Variants in NPHS1 observed in about 807,000 individuals in gnomAD.
NPHS1 encodes nephrin.
Under a neutral mutation model 139.7 loss-of-function variants are expected in NPHS1, and 107 were observed. That is an observed-to-expected ratio of 0.77 (90% CI 0.66 to 0.90). The LOEUF (loss-of-function observed/expected upper bound fraction) is 0.90. NPHS1 is among the 40% of genes least tolerant of loss of function. The pLI, the probability that NPHS1 is intolerant of heterozygous loss-of-function variation, is 0.00. For synonymous variants in NPHS1, 707 were observed against 706.6 expected (o/e 1.00, Z -0.01); for missense variants, 1,580 against 1,654.2 (o/e 0.96, Z 0.78).
Position 35,845,292 on chromosome 19 carries a change from GA to G in NPHS1, c.1930+75del, listed in dbSNP as rs1973118757. On this transcript the variant is annotated intron_variant, in intron 14 of 28. Coordinates refer to ENST00000378910, the MANE Select transcript of NPHS1 (RefSeq NM_004646.4). The surrounding 1 kb of genome is among the most constrained non-coding windows in gnomAD (Gnocchi z 5.5). ...GAGAGAGAGAGAAGAGAAAAAGAAG[GA>G]AAAAAAGGTAAGACCCAAGGAGTAG... is the stretch of plus-strand genomic sequence containing the variant. The G allele has an allele frequency of 4.6e-6, 7 of 1,514,776 alleles. No individual in the cohort carries two copies. Among genetic ancestry groups the G allele is most frequent in the South Asian group, 2.3e-5 (2 of 88,516 alleles). 93.8% of individuals were successfully genotyped at this position (1,514,776 alleles called of 1,614,324 possible).
intron 25 of NPHS1, 46 bp downstream of exon 25, chr19:35,831,430 C>A (rs371458382): frequency 6.2e-7 from 1 of 1,613,664 alleles, no homozygotes; most frequent in Admixed American, 1.7e-5. Flanking sequence ...CAGTCTCCCC[C>A]AAACCTCCCT....
Position 35,842,385 on chromosome 19 carries a change from C to T in NPHS1, c.2500G>A (p.Val834Ile). Reference protein sequence around the residue: ...PPARRLLRLVVRFAPQVEHPT... With the variant: ...PPARRLLRLVIRFAPQVEHPT... ...GTGTTTGGGTAATACCCACATCTGA[C>T]AACAAGACGGAGCAGCCGTCGTGCT... Residue 834 changes from valine (V) to isoleucine (I), a missense_variant, in exon 18 of 29, where the codon GTC becomes ATC. Coordinates refer to ENST00000378910, the MANE Select transcript of NPHS1 (RefSeq NM_004646.4). The T allele has an allele frequency of 6.2e-7, 1 of 1,613,934 alleles. No homozygotes were observed. Among genetic ancestry groups the T allele is most frequent in the Non-Finnish European group, 8.5e-7 (1 of 1,180,006 alleles).
chr19:35,838,119 C>T (rs919294838), intron 22 of NPHS1, among the ~76,000 whole-genome samples: 3 of 151,240 alleles, frequency 2.0e-5, no homozygotes, highest in East Asian at 3.9e-4. Context: ...AGGTGCATGC[C>T]TGTAATCCCA....
chr19:35,827,020 G>A (rs10426850), intron 28 of NPHS1, among the ~76,000 whole-genome samples: 36,463 of 152,070 alleles, frequency 0.24, 4,913 homozygotes, highest in African/African-American at 0.36. Flanking sequence ...CTGTCACCCA[G>A]GCTGGAGTGC....
chr19:35,831,895 G>A (rs1397063724), intron 23 of NPHS1, 133 bp from the exon 24 acceptor site: 3 of 929,422 alleles, frequency 3.2e-6, no homozygotes, highest in South Asian at 1.5e-5. Flanking sequence ...AGAGGTCTCT[G>A]TGCCCACCCT....
Position 35,841,735 on chromosome 19 carries a change from T to C in NPHS1, c.2795A>G (p.Asn932Ser). ...CATACTGATGCTGACAAGTTGAATGTTGGTTTGGTCCGAGCCAAGGGCGTT... is the reference window on the plus strand; with the variant it reads ...CATACTGATGCTGACAAGTTGAATGCTGGTTTGGTCCGAGCCAAGGGCGTT... ...ATNALGSDQT[N>S]IQLVSISRPD... Residue 932 changes from asparagine to serine, a missense_variant, in exon 20 of 29, where the codon AAC becomes AGC. Physicochemically the swap from Asn to Ser is conservative, Grantham distance 46. Transcript: ENST00000378910. 6.2e-7 allele frequency: 1 copy of C among 1,614,096 alleles called. No individual in the cohort carries two copies. Among genetic ancestry groups the C allele is most frequent in the Non-Finnish European group, 8.5e-7 (1 of 1,180,012 alleles).
chr19:35,831,785 A>G (rs1423746983), intron 23 of NPHS1, 23 bp from the exon 24 acceptor site: 1 of 1,552,950 alleles, frequency 6.4e-7, no homozygotes. Flanking sequence ...GATACCCCTC[A>G]GTGAATCCCA....
chr19:35,840,063 G>T (rs1474540251), intron 20 of NPHS1, among the ~76,000 whole-genome samples: 1 of 150,038 alleles, frequency 6.7e-6, no homozygotes, highest in Non-Finnish European at 1.5e-5. Context: ...GGAGTGTAGT[G>T]GTGCAATCTT....
chr19:35,851,859 C>A lies in NPHS1; in HGVS notation c.-22G>T, dbSNP rs572976871. ...CCATCACAGGTCCCCCTACTGTGAC[C>A]CCCACAGCGCCCGCTGCCAGCCACC... On this transcript the variant is annotated 5_prime_UTR_variant, in exon 1 of 29. Transcript: ENST00000378910. 1.6e-5 allele frequency: 25 copies of A among 1,548,150 alleles called. 1 individual carries two copies. Among genetic ancestry groups the A allele is most frequent in the Middle Eastern group, 2.0e-4 (1 of 5,004 alleles).
In NPHS1 at chr19:35,851,312, G is replaced by C; in HGVS notation, c.347C>G (p.Ser116Cys). ...DAEYECQVGRSEMGPELVSPR... is the reference protein window; with the variant it reads ...DAEYECQVGRCEMGPELVSPR... Reference sequence around the variant, plus strand: ...AGACACGAGCTCGGGCCCCATCTCAGAGCGGCCGACCTGGCACTCATACTC... The same window carrying C: ...AGACACGAGCTCGGGCCCCATCTCACAGCGGCCGACCTGGCACTCATACTC... The change falls in exon 3 of 29, where the codon TCT becomes TGT. Residue 116 changes from serine (S) to cysteine (C), a missense_variant. Transcript: ENST00000378910. 1 of 1,614,006 alleles carries C rather than the reference G, an allele frequency of 6.2e-7. No individual in the cohort carries two copies. Among genetic ancestry groups the C allele is most frequent in the South Asian group, 1.1e-5 (1 of 91,080 alleles).
intron 9 of NPHS1, 112 bp downstream of exon 9, chr19:35,848,525 T>C (rs1489837405): frequency 3.2e-6 from 5 of 1,577,248 alleles, no homozygotes; most frequent in Admixed American, 1.8e-5. Context: ...GTTGGACCCA[T>C]GGTCCTCAAG....
intron 5 of NPHS1, among the ~76,000 whole-genome samples, chr19:35,849,922 T>C (rs1361517982): frequency 2.0e-5 from 3 of 152,176 alleles, no homozygotes; most frequent in Non-Finnish European, 4.4e-5. Context: ...TTTATTTGTT[T>C]GTTTGTCTTT....
Position 35,830,912 on chromosome 19 carries a change from A to T in NPHS1, c.3526T>A (p.Tyr1176Asn), listed in dbSNP as rs948871831. The stretch of plus-strand genomic sequence containing the variant: ...GGGTACGTTCTTTCTACCTCATCAT[A>T]CAAGTGCCCAGGGAAGGCCATATCC... ...DEDMAFPGHL[Y>N]DEVERTYPPS... The change falls in exon 28 of 29, where the codon TAT becomes AAT. Residue 1176 changes from tyrosine to asparagine, a missense_variant. By Grantham distance (143) the Tyr-to-Asn change is moderately radical. Coordinates refer to ENST00000378910, the MANE Select transcript of NPHS1 (RefSeq NM_004646.4). 5 of 1,614,044 alleles carry T rather than the reference A, an allele frequency of 3.1e-6. No individual in the cohort carries two copies. The highest frequency in any genetic ancestry group is 4.2e-6 in the Non-Finnish European group (5 of 1,179,916).
chr19:35,843,766 C>A, intron 16 of NPHS1, 173 bp from the exon 17 acceptor site: 1 of 754,482 alleles, frequency 1.3e-6, no homozygotes, highest in Non-Finnish European at 2.1e-6. Context: ...GTGAGGTTGT[C>A]TCCACCCTCC....
intron 22 of NPHS1, among the ~76,000 whole-genome samples, chr19:35,838,205 T>C (rs1352744230): frequency 8.2e-5 from 12 of 146,124 alleles, no homozygotes; most frequent in Non-Finnish European, 9.0e-5. Context: ...GACGGCACCA[T>C]TGCACTCCAC....
Position 35,849,300 on chromosome 19 carries a change from T to C in NPHS1, c.776A>G (p.Gln259Arg), listed in dbSNP as rs758994022. Reference protein sequence around the residue: ...GLDEGHVRAGQSLELPCVARG... With the variant: ...GLDEGHVRAGRSLELPCVARG... ...GGCCACGCACGGCAGCTCCAAGCTC[T>C]GTCCTGCCCGCACGTGCCCCTCATC... Residue 259 changes from glutamine (Q) to arginine (R), a missense_variant, in exon 7 of 29, where the codon CAG (glutamine) becomes CGG (arginine). By Grantham distance (43) the Gln-to-Arg change is conservative. Transcript: ENST00000378910. The C allele has an allele frequency of 1.9e-6, 3 of 1,613,104 alleles. No homozygotes were observed. The highest frequency in any genetic ancestry group is 2.7e-5 in the African/African-American group (2 of 74,912).
At position 35,831,091 on chromosome 19, in the gene NPHS1, T is replaced by C; in HGVS notation, c.3443A>G (p.Gln1148Arg). The change falls in exon 27 of 29, where the codon CAG becomes CGG. Residue 1148 changes from glutamine to arginine, a missense_variant. Physicochemically the swap from Gln to Arg is conservative, Grantham distance 43. Transcript: ENST00000378910. Reference sequence around the variant, plus strand: ...CACCTCCTCCTGCGTCGGGGGCAGCTGGGGGCTGAAGTCCCTCAGGGAGCG... The same window carrying C: ...CACCTCCTCCTGCGTCGGGGGCAGCCGGGGGCTGAAGTCCCTCAGGGAGCG... ...YYRSLRDFSP[Q>R]LPPTQEEVSY... 1 of 1,614,130 alleles carries C rather than the reference T, an allele frequency of 6.2e-7. No homozygotes were observed.
intron 22 of NPHS1, 113 bp downstream of exon 22, chr19:35,839,124 A>C (rs1973017138): frequency 9.8e-7 from 1 of 1,022,588 alleles, no homozygotes; most frequent in South Asian, 1.3e-5. Context: ...CAATTTGCTT[A>C]ACAGCTATAG....
Position 35,851,796 on chromosome 19 carries a change from CA to C in NPHS1, c.41del (p.Leu14ArgfsTer4). On this transcript the variant is annotated frameshift_variant, in exon 1 of 29. Transcript: ENST00000378910. LOFTEE classifies it high-confidence loss of function. The stretch of plus-strand genomic sequence containing the variant: ...CCCACTCACCTTCAGTCAGCAGCCC[CA>C]GGAGCAGGAGAGAAGCCCTGAGCGT... ...GTTLRASLLL[L>X]GLLTEGLAQL... is the part of the protein sequence containing the mutation. The C allele has an allele frequency of 6.4e-7, 1 of 1,553,328 alleles. No homozygotes were observed. Among genetic ancestry groups the C allele is most frequent in the Non-Finnish European group, 8.7e-7 (1 of 1,147,964 alleles).
Sources: gnomAD v4.1 joint callset for allele counts (sites outside exome capture counted in the v4.1 genomes callset) on GRCh38, gnomAD v4.1.1 for gene constraint, Gnocchi (gnomAD v3.1) non-coding constraint, MANE v1.5 for transcripts, NCBI Gene and HGNC (gene_info 2026-07-23, HGNC 2026-07-21) for gene names.